Variants in TRAM1 observed in about 807,000 individuals in gnomAD.
TRAM1 encodes translocation associated membrane protein 1.
A neutral mutation model predicts 48.7 loss-of-function variants in TRAM1; 17 were observed. The ratio of observed to expected loss-of-function variants is 0.35; its 90% CI spans 0.24 to 0.52. The LOEUF (loss-of-function observed/expected upper bound fraction) is 0.52, where lower values mean the gene tolerates loss of function less well. Among genes scored for constraint, TRAM1 ranks in the 20% least tolerant of loss-of-function variants. TRAM1 has a pLI of 0.94. For missense variants in TRAM1, 351 were observed against 441.5 expected, an observed-to-expected ratio of 0.79 and a Z score of 1.84; for synonymous variants, 182 against 154.0, an observed-to-expected ratio of 1.18 and a Z score of -1.34.
At chr8:70,597,851 C>A in intron 4 of TRAM1, 44 bp downstream of exon 4, 2 of 1,422,624 alleles carry the variant, frequency 1.4e-6, no homozygotes, top group Non-Finnish European at 9.6e-7. Context: ...AGTTTCTAAT[C>A]TTAGATAAGG....
At position 70,608,256 on chromosome 8, in the gene TRAM1, T is replaced by A; in HGVS notation, c.-57A>T. ...CCGCCCCGGTTCTGCTCTTCCCAGC[T>A]GCTCACCGACTCGCCGCCGCCTCCC... On this transcript the variant is annotated 5_prime_UTR_variant, in exon 1 of 11. Transcript: ENST00000262213. 1 of 1,508,422 alleles carries A rather than the reference T, an allele frequency of 6.6e-7. No individual in the cohort carries two copies. The highest frequency in any genetic ancestry group is 8.8e-7 in the Non-Finnish European group (1 of 1,133,228). The allele number at this position is 1,508,422 out of a possible 1,614,324, so 93.4% of individuals were successfully genotyped here. A position where few individuals can be genotyped will look rare whatever the true frequency, so the allele number is the denominator to read the frequency against.
rs1817241990 is a variant in TRAM1, at chr8:70,587,179, G to GT, written c.571-4dup. On this transcript the variant is annotated splice_polypyrimidine_tract_variant and splice_region_variant and intron_variant, in intron 6 of 10. Transcript: ENST00000262213. ...ACAAGCTGACGAGGAATATCTTCCTGTAAAAAAATACATTATAGATTAAAA... is the reference window on the plus strand; with the variant it reads ...ACAAGCTGACGAGGAATATCTTCCTGTTAAAAAAATACATTATAGATTAAAA... The GT allele has an allele frequency of 6.2e-7, 1 of 1,612,076 alleles. No individual in the cohort carries two copies. Among genetic ancestry groups the GT allele is most frequent in the Admixed American group, 1.7e-5 (1 of 59,852 alleles).
chr8:70,597,778 T>TA (rs1370612813), intron 4 of TRAM1, 117 bp downstream of exon 4: 3 of 695,734 alleles, frequency 4.3e-6, no homozygotes, highest in South Asian at 8.3e-5. Context: ...TTTTGCTGTA[T>TA]AAAAAAATAC....
chr8:70,585,378 T>C (rs1240022804), intron 8 of TRAM1, among the ~76,000 whole-genome samples: 3 of 152,098 alleles, frequency 2.0e-5, no homozygotes, highest in African/African-American at 4.8e-5. Context: ...AAGGACTTCA[T>C]GTCTAAAACA....
At chr8:70,584,044 C>G (rs1482250350) in intron 8 of TRAM1, among the ~76,000 whole-genome samples, 1 of 151,892 alleles carries the variant, frequency 6.6e-6, no homozygotes, top group Non-Finnish European at 1.5e-5. Context: ...AAAGAAGAAA[C>G]TAGATTCCTA....
rs1364133926 is a variant in TRAM1, at chr8:70,574,087, G to A, written c.*845C>T. The A allele has an allele frequency of 4.0e-6, 1 of 250,498 alleles. No individual in the cohort carries two copies. The highest frequency in any genetic ancestry group is 8.0e-6 in the Non-Finnish European group (1 of 124,832). 15.5% of individuals were successfully genotyped at this position (250,498 alleles called of 1,614,324 possible). A position where few individuals can be genotyped will look rare whatever the true frequency, so the allele number is the denominator to read the frequency against. ...ATCAAGTAGGCATTATGTTTTAAAA[G>A]TGTTTGCAGGTTAAACTTTTCTAAG... On this transcript the variant is annotated 3_prime_UTR_variant, in exon 11 of 11. Coordinates refer to ENST00000262213, the MANE Select transcript of TRAM1 (RefSeq NM_014294.6).
At chr8:70,598,052 T>C (rs754987360) in intron 3 of TRAM1, 41 bp from the exon 4 acceptor site, 1 of 1,519,212 alleles carries the variant, frequency 6.6e-7, no homozygotes, top group Non-Finnish European at 8.9e-7. Context: ...GAATAAATTA[T>C]AAATTATATT....
chr8:70,601,806 T>C (rs7822974), intron 1 of TRAM1, among the ~76,000 whole-genome samples: 17,386 of 152,256 alleles, frequency 0.11, 1,160 homozygotes, highest in African/African-American at 0.18. Flanking sequence ...TATTTATTGA[T>C]GCCTACAGCT....
rs1563383871 is a variant in TRAM1, at chr8:70,587,180, TA to T, written c.571-5del. The T allele has an allele frequency of 5.6e-6, 9 of 1,612,266 alleles. No individual in the cohort carries two copies. Among genetic ancestry groups the T allele is most frequent in the Middle Eastern group, 1.7e-4 (1 of 6,004 alleles). Reference sequence around the variant, plus strand: ...CAAGCTGACGAGGAATATCTTCCTGTAAAAAAATACATTATAGATTAAAACA... The same window carrying T: ...CAAGCTGACGAGGAATATCTTCCTGTAAAAAATACATTATAGATTAAAACA... On this transcript the variant is annotated splice_region_variant and splice_polypyrimidine_tract_variant and intron_variant, in intron 6 of 10. Transcript: ENST00000262213.
At chr8:70,597,845 T>G in intron 4 of TRAM1, 50 bp downstream of exon 4, 1 of 1,374,770 alleles carries the variant, frequency 7.3e-7, no homozygotes. Flanking sequence ...TAGCAGAGTT[T>G]CTAATCTTAG....
chr8:70,589,792 C>T (rs1176453669), intron 6 of TRAM1, among the ~76,000 whole-genome samples: 6 of 152,082 alleles, frequency 3.9e-5, no homozygotes, highest in African/African-American at 1.2e-4. Flanking sequence ...TGCACTGAGC[C>T]GTGATTGTGG....
At chr8:70,580,959 A>G (rs1019926671) in intron 10 of TRAM1, among the ~76,000 whole-genome samples, 2 of 152,256 alleles carry the variant, frequency 1.3e-5, no homozygotes, top group African/African-American at 2.4e-5. Context: ...GATAAATATA[A>G]TTGAAAGAGA....
At chr8:70,600,155 T>C (rs1817576510) in intron 1 of TRAM1, 73 bp from the exon 2 acceptor site, 1 of 1,211,282 alleles carries the variant, frequency 8.3e-7, no homozygotes, top group African/African-American at 1.5e-5. Context: ...GGCAAAAACA[T>C]TATAAAATCT....
chr8:70,583,425 T>A lies in TRAM1; in HGVS notation c.891-101A>T, dbSNP rs984754237. On this transcript the variant is annotated intron_variant, in intron 9 of 10. Transcript: ENST00000262213. ...TATTTAGTAATAATTCCCACTCAGT[T>A]GAGAAAATTGTATTAATAATCATTG... is the stretch of plus-strand genomic sequence containing the variant. 30 of 1,375,002 alleles carry A rather than the reference T, an allele frequency of 2.2e-5. No homozygotes were observed. In the African/African-American group the frequency reaches 3.7e-4, roughly 17 times the overall value. 85.2% of individuals were successfully genotyped at this position (1,375,002 alleles called of 1,614,324 possible).
Position 70,583,307 on chromosome 8 carries a change from G to C in TRAM1, c.908C>G (p.Ser303Cys). The change falls in exon 10 of 11, where the codon TCC (serine) becomes TGC (cysteine). Residue 303 changes from serine (S) to cysteine (C), a missense_variant. By Grantham distance (112) the Ser-to-Cys change is moderately radical. Transcript: ENST00000262213. ...CATAAATGCCTGAGTAACGCAAATG[G>C]ATGCCAGAACAGCGATTCTAAGAAA... ...VLAVRIAVLA[S>C]ICVTQAFMMW... 6.2e-7 allele frequency: 1 copy of C among 1,613,446 alleles called. No homozygotes were observed. The highest frequency in any genetic ancestry group is 1.1e-5 in the South Asian group (1 of 90,894).
intron 10 of TRAM1, among the ~76,000 whole-genome samples, chr8:70,575,512 G>A (rs972819702): frequency 5.9e-5 from 9 of 151,882 alleles, no homozygotes; most frequent in Non-Finnish European, 1.2e-4. Flanking sequence ...TTGAACTCCC[G>A]GGGACCAGTG....
chr8:70,596,633 A>G (rs1817492403), intron 4 of TRAM1, among the ~76,000 whole-genome samples: 2 of 152,182 alleles, frequency 1.3e-5, no homozygotes, highest in African/African-American at 2.4e-5. Flanking sequence ...AATAAGAGGC[A>G]CAACAGTGAC....
chr8:70,608,373 G>GGA lies in TRAM1; in HGVS notation c.-175_-174insTC, dbSNP rs553074160. The GGA allele has an allele frequency of 4.5e-5, 17 of 374,498 alleles. No homozygotes were observed. Among genetic ancestry groups the GGA allele is most frequent in the East Asian group, 1.7e-4 (3 of 17,928 alleles). The allele number at this position is 374,498 out of a possible 1,614,324, so 23.2% of individuals were successfully genotyped here. A position where few individuals can be genotyped will look rare whatever the true frequency, so the allele number is the denominator to read the frequency against. On this transcript the variant is annotated 5_prime_UTR_variant, in exon 1 of 11. Coordinates refer to ENST00000262213, the MANE Select transcript of TRAM1 (RefSeq NM_014294.6). Reference sequence around the variant, plus strand: ...TACGCAGCCGCCGGGCCGCCCGGGGGAAAAAAAAAAACACAACAGCTAGCC... The same window carrying GGA: ...TACGCAGCCGCCGGGCCGCCCGGGGGGAAAAAAAAAAAACACAACAGCTAGCC...
chr8:70,608,276 C>T lies in TRAM1; in HGVS notation c.-77G>A. The T allele has an allele frequency of 1.4e-6, 2 of 1,477,320 alleles. No individual in the cohort carries two copies. The highest frequency in any genetic ancestry group is 1.8e-6 in the Non-Finnish European group (2 of 1,116,556). The allele number at this position is 1,477,320 out of a possible 1,614,324, so 91.5% of individuals were successfully genotyped here. ...CCAGCTGCTCACCGACTCGCCGCCG[C>T]CTCCCGCTGGCTGCTCCTCACGGCC... On this transcript the variant is annotated 5_prime_UTR_variant, in exon 1 of 11. Coordinates refer to ENST00000262213, the MANE Select transcript of TRAM1 (RefSeq NM_014294.6).
Sources: gnomAD v4.1 joint callset for allele counts (sites outside exome capture counted in the v4.1 genomes callset) on GRCh38, gnomAD v4.1.1 for gene constraint, MANE v1.5 for transcripts, NCBI Gene and HGNC (gene_info 2026-07-23, HGNC 2026-07-21) for gene names.